GALC: variants seen among roughly 807,000 people sequenced by gnomAD.
GALC encodes the protein galactocerebrosidase.
A neutral mutation model predicts 91.8 loss-of-function variants in GALC; 77 were observed. The observed-to-expected ratio is 0.84, with a 90% CI of 0.70 to 1.01. The LOEUF is 1.01. GALC is among the 50% of genes least tolerant of loss of function. The probability of loss-of-function intolerance (pLI) is 0.00; values close to 1 mark genes in which losing one functional copy is unlikely to be tolerated. For synonymous variants in GALC, 357 were observed against 306.7 expected (o/e 1.16, Z -1.71); for missense variants, 882 against 855.9 (o/e 1.03, Z -0.38).
At chr14:87,953,432 G>T in intron 10 of GALC, 1 of 1,498,974 alleles carries the variant, frequency 6.7e-7, no homozygotes. Flanking sequence ...GAACATTTTA[G>T]TCCTGTTTTT....
At chr14:87,958,198 G>C (rs535609539) in intron 10 of GALC, among the ~76,000 whole-genome samples, 2 of 152,136 alleles carry the variant, frequency 1.3e-5, no homozygotes, top group African/African-American at 4.8e-5. Context: ...TATTGAGTTC[G>C]CAGCACGCAG....
At chr14:87,980,063 C>A (rs1245385302) in intron 6 of GALC, among the ~76,000 whole-genome samples, 1 of 152,116 alleles carries the variant, frequency 6.6e-6, no homozygotes, top group Admixed American at 6.5e-5. Context: ...GCCTTCTCCA[C>A]GCCTACAACT....
chr14:87,990,895 T>C (rs1024537319), intron 1 of GALC, among the ~76,000 whole-genome samples: 2 of 152,186 alleles, frequency 1.3e-5, no homozygotes, highest in African/African-American at 4.8e-5. Flanking sequence ...GAAAAAGCCT[T>C]GGGGACATTT....
Position 87,986,992 on chromosome 14 carries a change from T to G in GALC, c.329-390A>C, listed in dbSNP as rs1219735750. 3 of 448,168 alleles carry G rather than the reference T, an allele frequency of 6.7e-6. No individual in the cohort carries two copies. The East Asian group carries it at 2.1e-4, about 31-fold the overall frequency. The allele number at this position is 448,168 out of a possible 1,614,324, so 27.8% of individuals were successfully genotyped here. A position where few individuals can be genotyped will look rare whatever the true frequency, so the allele number is the denominator to read the frequency against. On this transcript the variant is annotated intron_variant, in intron 3 of 16. Coordinates refer to ENST00000261304, the MANE Select transcript of GALC (RefSeq NM_000153.4). Reference sequence around the variant, plus strand: ...ACCTCAACTTTCAGCTTTTCAACGCTGGATATGAATCCCTGGACTCGTGAG... The same window carrying G: ...ACCTCAACTTTCAGCTTTTCAACGCGGGATATGAATCCCTGGACTCGTGAG...
upstream of GALC, chr14:87,993,543 A>G (rs1887337223): frequency 7.3e-7 from 1 of 1,368,512 alleles, no homozygotes; most frequent in East Asian, 2.5e-5. Context: ...CTTGGACACC[A>G]GGTCCCGATT....
chr14:87,987,024 T>C (rs1438709998), intron 3 of GALC: 1 of 455,868 alleles, frequency 2.2e-6, no homozygotes, highest in Admixed American at 2.4e-5. Flanking sequence ...TGAGCCCTGT[T>C]CTCAGAACCC....
At chr14:87,973,006 C>A (rs895600987) in intron 7 of GALC, among the ~76,000 whole-genome samples, 4 of 122,732 alleles carry the variant, frequency 3.3e-5, no homozygotes, top group Admixed American at 9.4e-5. Context: ...TAAAAATATT[C>A]TTTGGGCATA....
At chr14:87,952,564 C>G in intron 10 of GALC, 1 of 1,016,484 alleles carries the variant, frequency 9.8e-7, no homozygotes, top group Non-Finnish European at 1.5e-6. Context: ...TCACAACACA[C>G]AGTTTCTTTA....
intron 6 of GALC, among the ~76,000 whole-genome samples, chr14:87,979,794 T>C (rs749395868): frequency 3.9e-5 from 6 of 152,250 alleles, no homozygotes; most frequent in African/African-American, 4.8e-5. Flanking sequence ...AGCAACACCA[T>C]CTACCTCATT....
At chr14:87,961,810 C>G (rs1323444383) in intron 10 of GALC, among the ~76,000 whole-genome samples, 1 of 152,162 alleles carries the variant, frequency 6.6e-6, no homozygotes, top group Non-Finnish European at 1.5e-5. Context: ...GAATTCTCAC[C>G]AAGGCCTGCT....
chr14:87,984,307 T>C, intron 5 of GALC, 87 bp downstream of exon 5: 3 of 1,317,800 alleles, frequency 2.3e-6, no homozygotes, highest in Non-Finnish European at 3.2e-6. Context: ...ATAAAATGGT[T>C]AGTCAAAAAG....
chr14:87,961,967 T>A (rs991892537), intron 10 of GALC, among the ~76,000 whole-genome samples: 1 of 152,302 alleles, frequency 6.6e-6, no homozygotes, highest in East Asian at 1.9e-4. Context: ...TGTATAAATT[T>A]AGTTTTGGGT....
At chr14:87,958,284 C>T (rs1482703484) in intron 10 of GALC, among the ~76,000 whole-genome samples, 2 of 151,682 alleles carry the variant, frequency 1.3e-5, no homozygotes, top group Admixed American at 1.3e-4. Flanking sequence ...GCATAATCTA[C>T]TGTAATTCGG....
Position 87,976,456 on chromosome 14 carries a change from G to A in GALC, c.654C>T (p.Leu218=), listed in dbSNP as rs2140016397. 3 of 1,613,050 alleles carry A rather than the reference G, an allele frequency of 1.9e-6. No individual in the cohort carries two copies. Among genetic ancestry groups the A allele is most frequent in the Non-Finnish European group, 2.5e-6 (3 of 1,179,028 alleles). ...ILRKMLNYQG[L]QRVKIIASDN... ...CACTTGCTATGATTTTCACTCGCTG[G>A]AGACCTTGATAATTCAGCATTTTTC... Residue 218 remains leucine (L), a synonymous_variant, in exon 7 of 17, where the codon CTC becomes CTT. Transcript: ENST00000261304.
chr14:87,976,656 C>T, intron 6 of GALC, 168 bp from the exon 7 acceptor site: 1 of 599,878 alleles, frequency 1.7e-6, no homozygotes, highest in Non-Finnish European at 2.9e-6. Flanking sequence ...CTCTCGTCGC[C>T]CAGGCTGGAG....
chr14:87,968,462 T>C lies in GALC; in HGVS notation c.781A>G (p.Lys261Glu), dbSNP rs1040331131. The C allele has an allele frequency of 4.3e-6, 7 of 1,614,000 alleles. No individual in the cohort carries two copies. Among genetic ancestry groups the C allele is most frequent in the South Asian group, 1.1e-5 (1 of 91,078 alleles). ...TTCTTCCCAGTCAACTTTGCATCTT[T>C]TGCTGAATGGGTTCCAGGATAATGA... is the stretch of plus-strand genomic sequence containing the variant. ...GAHYPGTHSA[K>E]DAKLTGKKLW... The change falls in exon 8 of 17, where the codon AAA (lysine) becomes GAA (glutamate). Residue 261 changes from lysine (K) to glutamate (E), a missense_variant. Transcript: ENST00000261304.
chr14:87,954,002 T>G, intron 10 of GALC: 1 of 1,609,492 alleles, frequency 6.2e-7, no homozygotes, highest in East Asian at 2.2e-5. Flanking sequence ...GAGATATAAT[T>G]TTACTCGCAG....
rs1392512383 is a variant in GALC at position 87,934,097 on chromosome 14, T to G, written c.*635A>C. On this transcript the variant is annotated 3_prime_UTR_variant, in exon 17 of 17. Transcript: ENST00000261304. Reference sequence around the variant, plus strand: ...AAATAACCCAATTAATCTGCTAATATCTATTACTGCAGAAATAGTGTTAGA... The same window carrying G: ...AAATAACCCAATTAATCTGCTAATAGCTATTACTGCAGAAATAGTGTTAGA... 1 of 1,515,106 alleles carries G rather than the reference T, an allele frequency of 6.6e-7. No individual in the cohort carries two copies. Among genetic ancestry groups the G allele is most frequent in the Admixed American group, 2.0e-5 (1 of 50,280 alleles). 93.9% of individuals were successfully genotyped at this position (1,515,106 alleles called of 1,614,324 possible).
In GALC at chr14:87,954,858, G is replaced by C. The variant is rs565295177; in HGVS notation, c.1162-4110C>G. ...TCTACAAACAATGTTTTAGCTGCTT[G>C]CCATTTACTATGAAGAAAATATACT... is the stretch of plus-strand genomic sequence containing the variant. On this transcript the variant is annotated intron_variant, in intron 10 of 16. Coordinates refer to ENST00000261304, the MANE Select transcript of GALC (RefSeq NM_000153.4). 8.7e-6 allele frequency: 14 copies of C among 1,605,572 alleles called. No individual in the cohort carries two copies. The Admixed American group carries it at 2.2e-4, about 25-fold the overall frequency.
Sources: allele counts gnomAD v4.1 joint callset (sites outside exome capture counted in the v4.1 genomes callset), GRCh38; gene constraint gnomAD v4.1.1; transcripts MANE v1.5; gene names NCBI Gene and HGNC (gene_info 2026-07-23, HGNC 2026-07-21).